Variants in CRISP1 observed in about 807,000 individuals in gnomAD.
CRISP1 encodes the protein cysteine rich secretory protein 1.
In CRISP1, 44 loss-of-function variants were observed where a neutral mutation model predicts 33.1. The observed-to-expected ratio is 1.33, with a 90% CI of 1.05 to 1.71. The LOEUF (loss-of-function observed/expected upper bound fraction) is 1.71, where lower values mean the gene tolerates loss of function less well. Ranked by LOEUF, CRISP1 falls within the 40% of genes most tolerant of loss-of-function variation. The pLI is 0.00. For synonymous variants in CRISP1, 103 were observed against 98.7 expected (o/e 1.04, Z -0.26); for missense variants, 390 against 301.2 (o/e 1.29, Z -2.18).
At chr6:49,859,000 G>A (rs767174389) in intron 1 of CRISP1, among the ~76,000 whole-genome samples, 90 of 152,098 alleles carry the variant, frequency 5.9e-4, no homozygotes, top group Non-Finnish European at 1.8e-4. Context: ...GGGACTGACT[G>A]GGAGCCTGGA....
chr6:49,857,994 G>A (rs1771542101), intron 1 of CRISP1, among the ~76,000 whole-genome samples: 1 of 152,166 alleles, frequency 6.6e-6, no homozygotes, highest in African/African-American at 2.4e-5. Flanking sequence ...CTCCAGAACA[G>A]TAGGATAATA....
At chr6:49,875,102 A>G (rs1772007883) in intron 1 of CRISP1, among the ~76,000 whole-genome samples, 1 of 152,070 alleles carries the variant, frequency 6.6e-6, no homozygotes, top group Non-Finnish European at 1.5e-5. Flanking sequence ...TTTAAATAGG[A>G]ATAGAGGAAG....
At position 49,840,949 on chromosome 6, in the gene CRISP1, C is replaced by G. The variant is rs1283881259; in HGVS notation, c.482G>C (p.Cys161Ser). 1.9e-6 allele frequency: 3 copies of G among 1,613,802 alleles called. No homozygotes were observed. The East Asian group carries it at 6.7e-5, about 36-fold the overall frequency. Reference sequence around the variant, plus strand: ...ATATCGAGGTGATCCTTGTTGGCGGCAAGATGCAATGGCACAGCCAATCAG... The same window carrying G: ...ATATCGAGGTGATCCTTGTTGGCGGGAAGATGCAATGGCACAGCCAATCAG... ...SYLIGCAIAS[C>S]RQQGSPRYLY... The change falls in exon 6 of 8, where the codon TGC (cysteine) becomes TCC (serine). Residue 161 changes from cysteine (C) to serine (S), a missense_variant. By Grantham distance (112) the Cys-to-Ser change is moderately radical. Coordinates refer to ENST00000335847, the MANE Select transcript of CRISP1 (RefSeq NM_001131.3).
Position 49,834,944 on chromosome 6 carries a change from G to A in CRISP1, c.*372C>T, listed in dbSNP as rs1403426962. On this transcript the variant is annotated 3_prime_UTR_variant, in exon 8 of 8. Coordinates refer to ENST00000335847, the MANE Select transcript of CRISP1 (RefSeq NM_001131.3). ...AGAATTATTACTGGATGTTAGTTGT[G>A]CAGGGAAGATAATCAGAGTGGTTGA... 1.2e-5 allele frequency: 2 copies of A among 161,440 alleles called. No individual in the cohort carries two copies. Among genetic ancestry groups the A allele is most frequent in the African/African-American group, 2.4e-5 (1 of 41,608 alleles). 10.0% of individuals were successfully genotyped at this position (161,440 alleles called of 1,614,324 possible).
intron 5 of CRISP1, among the ~76,000 whole-genome samples, chr6:49,845,405 G>A (rs749830341): frequency 6.6e-6 from 1 of 152,164 alleles, no homozygotes; most frequent in Non-Finnish European, 1.5e-5. Flanking sequence ...GATACAAAAT[G>A]TGGGAAAATA....
At chr6:49,870,958 G>A (rs1771908563), upstream of CRISP1, among the ~76,000 whole-genome samples, 1 of 151,946 alleles carries the variant, frequency 6.6e-6, no homozygotes, top group Admixed American at 6.6e-5. Context: ...AAAATTAGCT[G>A]GATGTGGTTG....
intron 2 of CRISP1, among the ~76,000 whole-genome samples, chr6:49,853,757 A>G (rs1176160568): frequency 2.0e-5 from 3 of 151,288 alleles, no homozygotes; most frequent in Non-Finnish European, 4.4e-5. Context: ...TACTTTCACA[A>G]CTCTCCTTTT....
chr6:49,841,329 C>T (rs1770980889), intron 5 of CRISP1, among the ~76,000 whole-genome samples: 1 of 152,094 alleles, frequency 6.6e-6, no homozygotes, highest in South Asian at 2.1e-4. Flanking sequence ...TTTAACAAAA[C>T]CCAATGTTCA....
At chr6:49,865,964 C>T (rs1390924297) in intron 1 of CRISP1, among the ~76,000 whole-genome samples, 1 of 152,096 alleles carries the variant, frequency 6.6e-6, no homozygotes, top group African/African-American at 2.4e-5. Flanking sequence ...TCTTTAATCG[C>T]CATTATCCAT....
chr6:49,836,621 G>C (rs1188274978), intron 7 of CRISP1, among the ~76,000 whole-genome samples: 1 of 152,036 alleles, frequency 6.6e-6, no homozygotes, highest in East Asian at 1.9e-4. Flanking sequence ...TTACAAGCGT[G>C]AGCCACCGCG....
intron 7 of CRISP1, among the ~76,000 whole-genome samples, chr6:49,837,707 T>A (rs541924091): frequency 6.6e-6 from 1 of 152,190 alleles, no homozygotes; most frequent in African/African-American, 2.4e-5. Flanking sequence ...CACAGGATAT[T>A]TTTCTAAGGT....
At chr6:49,871,529 C>A (rs1368646287), upstream of CRISP1, among the ~76,000 whole-genome samples, 1 of 148,848 alleles carries the variant, frequency 6.7e-6, no homozygotes, top group African/African-American at 2.5e-5. Context: ...AAGGGATAAG[C>A]CAAATGCTAT....
chr6:49,856,154 C>A (rs1771491729), intron 2 of CRISP1, among the ~76,000 whole-genome samples: 1 of 152,102 alleles, frequency 6.6e-6, no homozygotes, highest in Non-Finnish European at 1.5e-5. Context: ...CTGCTCTTTG[C>A]TCTGGACTTT....
chr6:49,840,926 A>G lies in CRISP1; in HGVS notation c.505T>C (p.Tyr169His), dbSNP rs962082758. The change falls in exon 6 of 8, where the codon TAT (tyrosine) becomes CAT (histidine). Residue 169 changes from tyrosine (Y) to histidine (H), a missense_variant. By Grantham distance (83) the Tyr-to-His change is moderately conservative (BLOSUM62 2). Coordinates refer to ENST00000335847, the MANE Select transcript of CRISP1 (RefSeq NM_001131.3). ...ASCRQQGSPR[Y>H]LYVCHYCHEG... ...TGACAATAGTGACAAACGTAGAGAT[A>G]TCGAGGTGATCCTTGTTGGCGGCAA... 1 of 1,613,780 alleles carries G rather than the reference A, an allele frequency of 6.2e-7. No individual in the cohort carries two copies. The highest frequency in any genetic ancestry group is 8.5e-7 in the Non-Finnish European group (1 of 1,179,848).
At chr6:49,850,865 T>C (rs1771324680) in intron 3 of CRISP1, among the ~76,000 whole-genome samples, 1 of 152,166 alleles carries the variant, frequency 6.6e-6, no homozygotes, top group South Asian at 2.1e-4. Flanking sequence ...CCAAGGAATT[T>C]GGACTCTACT....
chr6:49,851,520 G>A (rs1445116529), intron 3 of CRISP1, among the ~76,000 whole-genome samples: 1 of 152,130 alleles, frequency 6.6e-6, no homozygotes, highest in Non-Finnish European at 1.5e-5. Context: ...TAGATATCTG[G>A]ATATTTTAAT....
At position 49,866,519 on chromosome 6, in the gene CRISP1, G is replaced by C. The variant is rs956842376; in HGVS notation, c.-93C>G. 4 of 152,138 alleles carry C rather than the reference G, an allele frequency of 2.6e-5. No individual in the cohort carries two copies. The highest frequency in any genetic ancestry group is 9.7e-5 in the African/African-American group (4 of 41,428). 9.4% of individuals were successfully genotyped at this position (152,138 alleles called of 1,614,324 possible). A position where few individuals can be genotyped will look rare whatever the true frequency, so the allele number is the denominator to read the frequency against. ...TTGTGCTTTTAAATGACAGTCCACA[G>C]GGGAGATTTGTTCAATGAGGTAGTC... On this transcript the variant is annotated 5_prime_UTR_variant, in exon 1 of 8. Transcript: ENST00000335847.
At chr6:49,845,364 A>G (rs12209643) in intron 5 of CRISP1, among the ~76,000 whole-genome samples, 14,727 of 152,150 alleles carry the variant, frequency 0.097, 996 homozygotes, top group Non-Finnish European at 0.15. Context: ...TTCACTAGAA[A>G]CTATGCTCTA....
chr6:49,864,732 T>C (rs1301437666), intron 1 of CRISP1, among the ~76,000 whole-genome samples: 1 of 152,192 alleles, frequency 6.6e-6, no homozygotes, highest in Non-Finnish European at 1.5e-5. Flanking sequence ...TTGAATGTTT[T>C]TTCCATGGTT....
Sources: allele counts gnomAD v4.1 joint callset (sites outside exome capture counted in the v4.1 genomes callset), GRCh38; gene constraint gnomAD v4.1.1; transcripts MANE v1.5; gene names NCBI Gene and HGNC (gene_info 2026-07-23, HGNC 2026-07-21).